The following ZNF415 variants were observed in gnomAD, a reference collection of about 807,000 sequenced individuals.
The protein encoded by ZNF415 is zinc finger protein 415.
In ZNF415, 5 loss-of-function variants were observed where a neutral mutation model predicts 7.3. That is an observed-to-expected ratio of 0.69 (90% CI 0.36 to 1.44). ZNF415 has a LOEUF of 1.44. Ranked by LOEUF, ZNF415 falls within the 40% of genes most tolerant of loss-of-function variation. The pLI, the probability that ZNF415 is intolerant of heterozygous loss-of-function variation, is 0.04. For missense variants in ZNF415, 628 were observed against 664.8 expected (o/e 0.94, Z 0.61); for synonymous variants, 207 against 226.3 (o/e 0.91, Z 0.77).
intron 1 of ZNF415, among the ~76,000 whole-genome samples, chr19:53,126,728 C>T (rs2089200982): frequency 8.1e-6 from 1 of 123,502 alleles, no homozygotes; most frequent in Non-Finnish European, 1.8e-5. Flanking sequence ...ACTCCTTTCC[C>T]TAAATGTGAC....
Position 53,122,641 on chromosome 19 carries a change from CCA to C in ZNF415, c.15+19_15+20del. 1 of 1,614,098 alleles carries C rather than the reference CCA, an allele frequency of 6.2e-7. No homozygotes were observed. The highest frequency in any genetic ancestry group is 2.2e-5 in the East Asian group (1 of 44,880). On this transcript the variant is annotated intron_variant, in intron 2 of 3. Transcript: ENST00000243643. ...TCTGAAAAGAGGGAGACAGAATGATCCACACAGAATCTTTCTTTACCTGAGTA... is the reference window on the plus strand; with the variant it reads ...TCTGAAAAGAGGGAGACAGAATGATCCACAGAATCTTTCTTTACCTGAGTA...
chr19:53,112,583 G>A (rs1488007749), intron 3 of ZNF415, among the ~76,000 whole-genome samples: 1 of 152,194 alleles, frequency 6.6e-6, no homozygotes, highest in Non-Finnish European at 1.5e-5. Flanking sequence ...TGAGAGTAGT[G>A]TGGAGGGTGA....
At position 53,122,744 on chromosome 19, in the gene ZNF415, C is replaced by T; in HGVS notation, c.-67-1G>A. 1 of 1,606,378 alleles carries T rather than the reference C, an allele frequency of 6.2e-7. No homozygotes were observed. The highest frequency in any genetic ancestry group is 8.5e-7 in the Non-Finnish European group (1 of 1,173,758). On this transcript the variant is annotated splice_acceptor_variant, in intron 1 of 3. Transcript: ENST00000243643. LOFTEE classifies it low-confidence loss of function (5UTR_SPLICE). ...TGCCAGGAGTCTTTGGAAGTCAATG[C>T]TGAATAACAACAACAAGTGCTGTTT... is the stretch of plus-strand genomic sequence containing the variant.
chr19:53,128,072 A>G (rs1270288887), intron 1 of ZNF415, among the ~76,000 whole-genome samples: 1 of 152,048 alleles, frequency 6.6e-6, no homozygotes, highest in Admixed American at 6.6e-5. Flanking sequence ...CGGCTCATCT[A>G]GAGGCCCACC....
intron 1 of ZNF415, among the ~76,000 whole-genome samples, chr19:53,131,257 CT>C (rs2090041122): frequency 6.6e-6 from 1 of 151,888 alleles, no homozygotes; most frequent in African/African-American, 2.4e-5. Flanking sequence ...CCCACTCCCC[CT>C]TCCCCTCCCC....
rs780882104 is a variant in ZNF415, at chr19:53,108,899, T to G, written c.1146A>C (p.Lys382Asn). 13 of 1,613,990 alleles carry G rather than the reference T, an allele frequency of 8.1e-6. No homozygotes were observed. The South Asian group carries it at 1.3e-4, about 16-fold the overall frequency. The change falls in exon 4 of 4, where the codon AAA (lysine) becomes AAC (asparagine). Residue 382 changes from lysine to asparagine, a missense_variant. Lys to Asn is a moderately conservative substitution (Grantham distance 94). Transcript: ENST00000243643. ...ATHQRIHTGEKPYKCNECGKV... is the reference protein window; with the variant it reads ...ATHQRIHTGENPYKCNECGKV... ...TACCACATTCATTACACTTGTATGG[T>G]TTCTCCCCAGTGTGAATTCTCTGAT...
Position 53,109,235 on chromosome 19 carries a change from T to C in ZNF415, c.810A>G (p.Lys270=). ...TGTCACATTCATTACATTTGTATGG[T>C]TTCTCTCCAGTATGAACTCTCCAAT... The part of the protein sequence containing the change: ...ARHWRVHTGE[K]PYKCNECDRS... Residue 270 remains lysine (K), a synonymous_variant, in exon 4 of 4, where the codon AAA becomes AAG. Coordinates refer to ENST00000243643, the MANE Select transcript of ZNF415 (RefSeq NM_018355.4). 1 of 1,614,182 alleles carries C rather than the reference T, an allele frequency of 6.2e-7. No homozygotes were observed. Among genetic ancestry groups the C allele is most frequent in the Non-Finnish European group, 8.5e-7 (1 of 1,180,026 alleles).
intron 2 of ZNF415, chr19:53,122,432 C>T: frequency 6.5e-7 from 1 of 1,538,304 alleles, no homozygotes; most frequent in Non-Finnish European, 8.7e-7. Context: ...TGGGTGTGAG[C>T]CCTTCCCAGG....
intron 3 of ZNF415, among the ~76,000 whole-genome samples, chr19:53,112,331 A>G (rs1303825298): frequency 6.6e-6 from 1 of 152,224 alleles, no homozygotes; most frequent in South Asian, 2.1e-4. Context: ...TATCAGTCAC[A>G]GCAAGAATGC....
intron 3 of ZNF415, among the ~76,000 whole-genome samples, chr19:53,111,859 G>T (rs879894167): frequency 2.0e-5 from 3 of 152,206 alleles, no homozygotes; most frequent in Admixed American, 2.0e-4. Context: ...TAGGCCCATG[G>T]TATTCATGTA....
At chr19:53,124,349 G>C (rs1183017303) in intron 1 of ZNF415, 11 of 152,582 alleles carry the variant, frequency 7.2e-5, no homozygotes, top group African/African-American at 2.4e-4. Context: ...AGGGTGGAGG[G>C]TGAAGGGGCG....
In ZNF415 at chr19:53,109,197, C is replaced by T. The variant is rs34878893; in HGVS notation, c.848G>A (p.Arg283His). ...CCGATGTAGTGCAAGGCATGAGTTG[C>T]GACTGAAACTTCTGTCACATTCATT... ...KCNECDRSFSRNSCLALHRRV... is the reference protein window; with the variant it reads ...KCNECDRSFSHNSCLALHRRV... Residue 283 changes from arginine to histidine, a missense_variant, in exon 4 of 4, where the codon CGC becomes CAC. Arg to His is a conservative substitution (Grantham distance 29, BLOSUM62 0). Transcript: ENST00000243643. 7.4e-6 allele frequency: 12 copies of T among 1,613,574 alleles called. No individual in the cohort carries two copies. The African/African-American group carries it at 1.3e-4, about 18-fold the overall frequency.
chr19:53,120,718 T>C (rs957607889), intron 2 of ZNF415, among the ~76,000 whole-genome samples: 10 of 152,176 alleles, frequency 6.6e-5, no homozygotes, highest in Non-Finnish European at 2.9e-5. Context: ...TTACCATTTT[T>C]ACCTAAAATA....
intron 2 of ZNF415, among the ~76,000 whole-genome samples, chr19:53,120,300 C>T (rs2087783585): frequency 6.6e-6 from 1 of 152,152 alleles, no homozygotes; most frequent in Admixed American, 6.5e-5. Context: ...TATGTATCAA[C>T]TTGAAAAAGG....
intron 3 of ZNF415, chr19:53,116,111 C>A: frequency 1.5e-6 from 1 of 648,778 alleles, no homozygotes; most frequent in South Asian, 2.0e-5. Flanking sequence ...CTGGAACCAC[C>A]ACTGTTGTAT....
rs747062774 is a variant in ZNF415 at position 53,109,665 on chromosome 19, C to A, written c.380G>T (p.Arg127Ile). 16 of 1,614,014 alleles carry A rather than the reference C, an allele frequency of 9.9e-6. No individual in the cohort carries two copies. In the South Asian group the frequency reaches 1.4e-4, roughly 14 times the overall value. Residue 127 changes from arginine to isoleucine, a missense_variant, in exon 4 of 4, where the codon AGA (arginine) becomes ATA (isoleucine). Physicochemically the swap from Arg to Ile is moderately conservative, Grantham distance 97. Coordinates refer to ENST00000243643, the MANE Select transcript of ZNF415 (RefSeq NM_018355.4). ...AATAGACTTGTTTCCTATACCTCTT[C>A]TATCGCGTTGGTCTCTCCTACAAGT... ...NLTCRRDQRD[R>I]RGIGNKSIKH...
chr19:53,127,421 GTATT>G (rs1314813144), intron 1 of ZNF415, among the ~76,000 whole-genome samples: 1 of 152,134 alleles, frequency 6.6e-6, no homozygotes, highest in African/African-American at 2.4e-5. Context: ...CCACGACAAT[GTATT>G]TATTTCCACT....
chr19:53,110,086 G>A (rs1601004434), intron 3 of ZNF415, among the ~76,000 whole-genome samples, 178 bp from the exon 4 acceptor site: 1 of 147,342 alleles, frequency 6.8e-6, no homozygotes, highest in African/African-American at 2.5e-5. Context: ...AGTAAAAAAA[G>A]GGTGATTACA....
intron 3 of ZNF415, among the ~76,000 whole-genome samples, chr19:53,114,771 C>T (rs1227849962): frequency 6.6e-6 from 1 of 152,182 alleles, no homozygotes; most frequent in Non-Finnish European, 1.5e-5. Flanking sequence ...CCAACTCCCT[C>T]CCCTGGTCCA....
Sources: gnomAD v4.1 joint callset for allele counts (sites outside exome capture counted in the v4.1 genomes callset) on GRCh38, gnomAD v4.1.1 for gene constraint, MANE v1.5 for transcripts, NCBI Gene and HGNC (gene_info 2026-07-23, HGNC 2026-07-21) for gene names.